Variants in GUCY2C observed in about 807,000 individuals in gnomAD.
GUCY2C encodes guanylyl cyclase C.
Under a neutral mutation model 131.1 loss-of-function variants are expected in GUCY2C, and 118 were observed. The observed-to-expected ratio is 0.90, with a 90% CI of 0.78 to 1.05. The LOEUF (loss-of-function observed/expected upper bound fraction) is 1.05. Ranked by LOEUF, GUCY2C falls within the 50% of genes least tolerant of loss-of-function variation. GUCY2C has a pLI of 0.00. For synonymous variants in GUCY2C, 452 were observed against 457.8 expected (o/e 0.99, Z 0.16); for missense variants, 1,161 against 1,304.4 (o/e 0.89, Z 1.69).
At chr12:14,636,377 G>T (rs1947271291) in intron 19 of GUCY2C, among the ~76,000 whole-genome samples, 1 of 152,116 alleles carries the variant, frequency 6.6e-6, no homozygotes, top group African/African-American at 2.4e-5. Context: ...CTCAATCGAT[G>T]CAGAAAAAGC....
intron 16 of GUCY2C, among the ~76,000 whole-genome samples, chr12:14,644,976 CCAGACTA>C (rs1264159325): frequency 6.6e-6 from 1 of 151,634 alleles, no homozygotes; most frequent in African/African-American, 2.4e-5. Flanking sequence ...TGCCTCACAC[CCAGACTA>C]CAAAGAATAT....
rs557414421 is a variant in GUCY2C, at chr12:14,686,278, G to A, written c.331-53C>T. On this transcript the variant is annotated intron_variant, in intron 2 of 26. Coordinates refer to ENST00000261170, the MANE Select transcript of GUCY2C (RefSeq NM_004963.4). ...CCTAGAACTAAGAAAAATACTCAGT[G>A]GACAGGAAAGAAGTAGCAAGGGGAA... The A allele has an allele frequency of 3.5e-5, 45 of 1,289,008 alleles. No individual in the cohort carries two copies. In the Middle Eastern group the frequency reaches 9.2e-4, roughly 26 times the overall value. 79.8% of individuals were successfully genotyped at this position (1,289,008 alleles called of 1,614,324 possible).
Position 14,682,271 on chromosome 12 carries a change from T to C in GUCY2C, c.611+771A>G, listed in dbSNP as rs183454049. ...CCCACGTGTCAAGGGAGAGACCAGG[T>C]GGAGGTAATTGAACCATGGGGGTGG... is the stretch of plus-strand genomic sequence containing the variant. On this transcript the variant is annotated intron_variant, in intron 4 of 26. Transcript: ENST00000261170. Among the ~76,000 whole-genome samples the C allele has an allele frequency of 3.3e-3, 506 of 152,228 alleles. 6 individuals are homozygous for C. Among genetic ancestry groups the C allele is most frequent in the African/African-American group, 0.012 (480 of 41,540 alleles).
At chr12:14,692,691 T>TACAAA (rs1948595764) in intron 1 of GUCY2C, among the ~76,000 whole-genome samples, 2 of 152,060 alleles carry the variant, frequency 1.3e-5, no homozygotes, top group African/African-American at 2.4e-5. Flanking sequence ...CTACTAAAAA[T>TACAAA]ACAAAACATT....
chr12:14,669,757 T>C lies in GUCY2C; in HGVS notation c.1247A>G (p.Lys416Arg), dbSNP rs1295189238. 8.7e-6 allele frequency: 14 copies of C among 1,602,002 alleles called. No homozygotes were observed. Among genetic ancestry groups the C allele is most frequent in the Non-Finnish European group, 1.2e-5 (14 of 1,170,456 alleles). ...PVDMSPTFTW[K>R]NSKLPNDITG... ...AATATCATTAGGAAGTTTAGAGTTC[T>C]TCCAAGTGAATGTGGGGCTCATATC... The change falls in exon 10 of 27, where the codon AAG becomes AGG. Residue 416 changes from lysine (K) to arginine (R), a missense_variant. Physicochemically the swap from Lys to Arg is conservative, Grantham distance 26 (BLOSUM62 2). Coordinates refer to ENST00000261170, the MANE Select transcript of GUCY2C (RefSeq NM_004963.4).
Position 14,669,921 on chromosome 12 carries a change from G to A in GUCY2C, c.1171-88C>T, listed in dbSNP as rs7314345. ...GAGATTAATGATTCTACACAATGAC[G>A]CTTGATTTCCATAACAATTCTCAGT... is the stretch of plus-strand genomic sequence containing the variant. On this transcript the variant is annotated intron_variant, in intron 9 of 26. Transcript: ENST00000261170. 0.99 allele frequency: 546,123 copies of A among 552,124 alleles called. 270,276 individuals are homozygous for A. The highest frequency in any genetic ancestry group is 1 in the Non-Finnish European group (311,574 of 311,810). 34.2% of individuals were successfully genotyped at this position (552,124 alleles called of 1,614,324 possible). A position where few individuals can be genotyped will look rare whatever the true frequency, so the allele number is the denominator to read the frequency against.
rs756546257 is a variant in GUCY2C at position 14,628,664 on chromosome 12, G to A, written c.2231C>T (p.Thr744Ile). ...KRPDFKKIET[T>I]LAKIFGLFHD... ...GCAATACCCAAATATCTTGGCAAGT[G>A]TAGTCTCAATTTTTTTGAAATCTGG... Residue 744 changes from threonine to isoleucine, a missense_variant, in exon 20 of 27, where the codon ACA becomes ATA. Coordinates refer to ENST00000261170, the MANE Select transcript of GUCY2C (RefSeq NM_004963.4). 1.3e-6 allele frequency: 2 copies of A among 1,558,222 alleles called. No homozygotes were observed. Among genetic ancestry groups the A allele is most frequent in the Non-Finnish European group, 1.8e-6 (2 of 1,129,338 alleles).
intron 4 of GUCY2C, 44 bp from the exon 5 acceptor site, chr12:14,681,521 T>A: frequency 1.3e-6 from 2 of 1,536,460 alleles, no homozygotes; most frequent in East Asian, 2.3e-5. Flanking sequence ...ACTTCCCTCA[T>A]GGCCTTTCAT....
chr12:14,643,677 T>G lies in GUCY2C; in HGVS notation c.1827A>C (p.Thr609=), dbSNP rs1947454886. The G allele has an allele frequency of 6.2e-7, 1 of 1,613,152 alleles. No homozygotes were observed. The highest frequency in any genetic ancestry group is 1.3e-5 in the African/African-American group (1 of 74,926). The change falls in exon 17 of 27, where the codon ACA becomes ACC. Residue 609 remains threonine (T), a synonymous_variant. Transcript: ENST00000261170. The part of the protein sequence containing the change: ...KGMSYLHSSK[T]EVHGRLKSTN... Reference sequence around the variant, plus strand: ...TAGATTTCAGACGACCATGGACTTCTGTCTTACTGGAGTGCAGATATGACA... The same window carrying G: ...TAGATTTCAGACGACCATGGACTTCGGTCTTACTGGAGTGCAGATATGACA...
chr12:14,654,817 C>T (rs1399738340), intron 12 of GUCY2C, among the ~76,000 whole-genome samples: 3 of 152,096 alleles, frequency 2.0e-5, no homozygotes, highest in Non-Finnish European at 4.4e-5. Context: ...TGCACACGCT[C>T]CTTCTGAAAG....
chr12:14,658,271 C>T (rs1334845052), intron 11 of GUCY2C, among the ~76,000 whole-genome samples: 1 of 152,094 alleles, frequency 6.6e-6, no homozygotes, highest in African/African-American at 2.4e-5. Flanking sequence ...CTTCCTTTAA[C>T]TTTGTTTTAC....
chr12:14,648,694 T>C (rs1217540423), intron 15 of GUCY2C, among the ~76,000 whole-genome samples: 1 of 152,252 alleles, frequency 6.6e-6, no homozygotes, highest in Non-Finnish European at 1.5e-5. Context: ...TCCGAATAAA[T>C]ATCTTTCTTT....
rs368359900 is a variant in GUCY2C at position 14,672,863 on chromosome 12, T to C, written c.1170+10A>G. ...GCACCCTGAATTTTCTGATAAGCAG[T>C]GAGACATACTTTCTTGGTGTCCACA... is the stretch of plus-strand genomic sequence containing the variant. On this transcript the variant is annotated intron_variant, in intron 9 of 26. Transcript: ENST00000261170. 3 of 1,517,864 alleles carry C rather than the reference T, an allele frequency of 2.0e-6. No homozygotes were observed. In the African/African-American group the frequency reaches 4.1e-5, roughly 21 times the overall value. The allele number at this position is 1,517,864 out of a possible 1,614,324, so 94.0% of individuals were successfully genotyped here. A position where few individuals can be genotyped will look rare whatever the true frequency, so the allele number is the denominator to read the frequency against.
Position 14,615,968 on chromosome 12 carries a change from C to T in GUCY2C, c.2970+665G>A, listed in dbSNP as rs935410353. ...CAGCCTGAGAAGCATTTGGAGACAACTGATGGCTATGGAGGGCAGCTGTTT... is the reference window on the plus strand; with the variant it reads ...CAGCCTGAGAAGCATTTGGAGACAATTGATGGCTATGGAGGGCAGCTGTTT... On this transcript the variant is annotated intron_variant, in intron 25 of 26. Transcript: ENST00000261170. 3.9e-5 allele frequency among the ~76,000 whole-genome samples: 6 copies of T among 152,300 alleles called. No individual in the cohort carries two copies. In the East Asian group the frequency reaches 1.2e-3, roughly 29 times the overall value.
intron 17 of GUCY2C, among the ~76,000 whole-genome samples, chr12:14,641,483 G>A (rs1947403184): frequency 6.6e-6 from 1 of 152,158 alleles, no homozygotes. Flanking sequence ...ATTTAAAACT[G>A]CTAGGATCAT....
chr12:14,642,601 G>T (rs1478541041), intron 17 of GUCY2C, among the ~76,000 whole-genome samples: 1 of 152,176 alleles, frequency 6.6e-6, no homozygotes, highest in Admixed American at 6.5e-5. Flanking sequence ...TGTAGAAAAG[G>T]TAAGTAAATC....
intron 25 of GUCY2C, 125 bp from the exon 26 acceptor site, chr12:14,615,068 T>C (rs1354857855): frequency 7.4e-6 from 4 of 542,866 alleles, no homozygotes; most frequent in Admixed American, 4.2e-5. Flanking sequence ...AGTGCCAATA[T>C]TTAAGCACAT....
chr12:14,681,337 T>G lies in GUCY2C; in HGVS notation c.733+19A>C. On this transcript the variant is annotated intron_variant, in intron 5 of 26. Transcript: ENST00000261170. Reference sequence around the variant, plus strand: ...AAAGAAGAAGTTAGCAAAAAACAATTATCTTCATGTCTTCTTACCATTGCT... The same window carrying G: ...AAAGAAGAAGTTAGCAAAAAACAATGATCTTCATGTCTTCTTACCATTGCT... 1 of 1,609,386 alleles carries G rather than the reference T, an allele frequency of 6.2e-7. No homozygotes were observed. Among genetic ancestry groups the G allele is most frequent in the East Asian group, 2.2e-5 (1 of 44,830 alleles).
chr12:14,666,884 A>G (rs1235970027), intron 10 of GUCY2C, among the ~76,000 whole-genome samples: 2 of 152,216 alleles, frequency 1.3e-5, no homozygotes, highest in Non-Finnish European at 2.9e-5. Context: ...AGTAACAGTT[A>G]AGTATTGAAA....
Sources: allele counts gnomAD v4.1 joint callset (sites outside exome capture counted in the v4.1 genomes callset), GRCh38; gene constraint gnomAD v4.1.1; transcripts MANE v1.5; gene names NCBI Gene and HGNC (gene_info 2026-07-23, HGNC 2026-07-21).